CHMP1A: variants seen among roughly 807,000 people sequenced by gnomAD.
The protein encoded by CHMP1A is VPS46 homolog A.
A neutral mutation model predicts 27.0 loss-of-function variants in CHMP1A; 17 were observed. The observed-to-expected ratio is 0.63, with a 90% CI of 0.43 to 0.95. The LOEUF (loss-of-function observed/expected upper bound fraction) is 0.95, where lower values mean the gene tolerates loss of function less well. Among genes scored for constraint, CHMP1A ranks in the 40% least tolerant of loss-of-function variants. The pLI is 0.00. For synonymous variants in CHMP1A, 131 were observed against 107.5 expected (o/e 1.22, Z -1.35); for missense variants, 275 against 264.0 (o/e 1.04, Z -0.29).
Position 89,646,080 on chromosome 16 carries a change from C to T in CHMP1A, c.577G>A (p.Ala193Thr), listed in dbSNP as rs1057108932. 5.2e-6 allele frequency: 8 copies of T among 1,544,604 alleles called. No individual in the cohort carries two copies. Among genetic ancestry groups the T allele is most frequent in the East Asian group, 4.6e-5 (2 of 43,262 alleles). Residue 193 changes from alanine to threonine, a missense_variant, in exon 7 of 7, where the codon GCC (alanine) becomes ACC (threonine). Coordinates refer to ENST00000397901, the MANE Select transcript of CHMP1A (RefSeq NM_002768.5). ...QEDQLSRRLAALRN is the reference protein window; with the variant it reads ...QEDQLSRRLATLRN Reference sequence around the variant, plus strand: ...GCGGGGCACGGCTAGTTCCTCAAGGCGGCCAACCTGGAAACCAACAACAGG... The same window carrying T: ...GCGGGGCACGGCTAGTTCCTCAAGGTGGCCAACCTGGAAACCAACAACAGG...
At chr16:89,651,866 C>G (rs1246121642) in intron 2 of CHMP1A, among the ~76,000 whole-genome samples, 1 of 152,262 alleles carries the variant, frequency 6.6e-6, no homozygotes, top group African/African-American at 2.4e-5. Context: ...AAGCTGCCTG[C>G]TCTGCCTCAG....
In CHMP1A at chr16:89,646,553, G is replaced by A. The variant is rs996529393; in HGVS notation, c.543C>T (p.Arg181=). 5 of 1,590,394 alleles carry A rather than the reference G, an allele frequency of 3.1e-6. No individual in the cohort carries two copies. The highest frequency in any genetic ancestry group is 4.3e-6 in the Non-Finnish European group (5 of 1,169,772). ...GASAVGESSV[R]SQEDQLSRRL... ...TCCGTGACAGCTGGTCCTCCTGGCT[G>A]CGCACAGAGCTCTCGCCCACGGCAG... The change falls in exon 6 of 7, where the codon CGC becomes CGT. Residue 181 remains arginine, a synonymous_variant. Coordinates refer to ENST00000397901, the MANE Select transcript of CHMP1A (RefSeq NM_002768.5).
rs7200944 is a variant in CHMP1A at position 89,652,694 on chromosome 16, C to T, written c.28-1048G>A. ...GTGCAGGACACAAGCAGGCCTCAGC[C>T]GGTCCCCTCTGTGCCCAACAGCAAC... On this transcript the variant is annotated intron_variant, in intron 2 of 6. Coordinates refer to ENST00000397901, the MANE Select transcript of CHMP1A (RefSeq NM_002768.5). Among the ~76,000 whole-genome samples the T allele has an allele frequency of 6.2e-4, 94 of 152,382 alleles. 1 individual carries two copies. Among genetic ancestry groups the T allele is most frequent in the African/African-American group, 2.1e-3 (87 of 41,600 alleles).
At position 89,649,453 on chromosome 16, in the gene CHMP1A, C is replaced by T. The variant is rs747722925; in HGVS notation, c.150G>A (p.Glu50=). The T allele has an allele frequency of 8.1e-6, 13 of 1,613,560 alleles. No individual in the cohort carries two copies. Among genetic ancestry groups the T allele is most frequent in the East Asian group, 4.5e-5 (2 of 44,872 alleles). The part of the protein sequence containing the change: ...KNVECARVYA[E]NAIRKKNEGV... The stretch of plus-strand genomic sequence containing the variant: ...CTTCGTTCTTCTTGCGGATGGCGTT[C>T]TCGGCATACACACGGGCACACTCTA... The change falls in exon 4 of 7, where the codon GAG becomes GAA. Residue 50 remains glutamate (E), a synonymous_variant. Transcript: ENST00000397901.
chr16:89,655,131 A>G (rs1409704192), intron 1 of CHMP1A, among the ~76,000 whole-genome samples: 1 of 152,120 alleles, frequency 6.6e-6, no homozygotes, highest in Non-Finnish European at 1.5e-5. Context: ...CAAGGCTCCA[A>G]GATGAGATCT....
Position 89,657,688 on chromosome 16 carries a change from G to C in CHMP1A, c.-100C>G. ...GATCGAACCGACCAAGCTGCACCCG[G>C]CGGGGACTTCCGGGGTCGCCGCCCC... On this transcript the variant is annotated 5_prime_UTR_variant, in exon 1 of 7. Coordinates refer to ENST00000397901, the MANE Select transcript of CHMP1A (RefSeq NM_002768.5). The C allele has an allele frequency of 1.9e-6, 3 of 1,579,700 alleles. No individual in the cohort carries two copies. Among genetic ancestry groups the C allele is most frequent in the Non-Finnish European group, 2.6e-6 (3 of 1,165,300 alleles).
intron 4 of CHMP1A, 49 bp from the exon 5 acceptor site, chr16:89,647,380 G>C (rs1445132003): frequency 2.6e-6 from 4 of 1,563,226 alleles, no homozygotes; most frequent in Non-Finnish European, 3.5e-6. Context: ...GGCAAGTGGA[G>C]CTCACGCACC....
intron 2 of CHMP1A, among the ~76,000 whole-genome samples, chr16:89,653,036 T>C (rs1256721386): frequency 2.0e-5 from 3 of 147,208 alleles, no homozygotes; most frequent in Non-Finnish European, 4.5e-5. Context: ...TTTTTTTTTT[T>C]TTTGAGACGG....
Position 89,648,806 on chromosome 16 carries a change from G to A in CHMP1A, c.252+545C>T, listed in dbSNP as rs138257725. On this transcript the variant is annotated intron_variant, in intron 4 of 6. Coordinates refer to ENST00000397901, the MANE Select transcript of CHMP1A (RefSeq NM_002768.5). ...CTTGGGAGGCTGAGGCAGGAGGATC[G>A]CTTGAGCCCAGGAGGTTGAGACCAG... 7.3e-3 allele frequency among the ~76,000 whole-genome samples: 734 copies of A among 100,336 alleles called. 2 individuals carry two copies. The highest frequency in any genetic ancestry group is 0.011 in the Non-Finnish European group (528 of 47,604). 65.8% of individuals were successfully genotyped at this position (100,336 alleles called of 152,430 possible).
chr16:89,647,460 C>G (rs987528739), intron 4 of CHMP1A, 129 bp from the exon 5 acceptor site: 8 of 794,582 alleles, frequency 1.0e-5, no homozygotes, highest in Non-Finnish European at 1.4e-5. Flanking sequence ...AACCCCAACT[C>G]TGGGCTGAGC....
chr16:89,653,873 G>C (rs754108627), intron 2 of CHMP1A, 31 bp downstream of exon 2: 19 of 1,610,064 alleles, frequency 1.2e-5, no homozygotes, highest in Non-Finnish European at 1.6e-5. Flanking sequence ...CACCAGAACA[G>C]GGCTGGGGTG....
In CHMP1A at chr16:89,657,597, T is replaced by C. The variant is rs763868566; in HGVS notation, c.-9A>G. The C allele has an allele frequency of 6.2e-6, 10 of 1,611,132 alleles. No homozygotes were observed. Among genetic ancestry groups the C allele is most frequent in the Middle Eastern group, 1.7e-4 (1 of 6,058 alleles). ...GACCTCTTACCGTCCATGGCCACAA[T>C]GACAGGAGCAGCACTCGGAGAGGGA... On this transcript the variant is annotated 5_prime_UTR_variant, in exon 1 of 7. Coordinates refer to ENST00000397901, the MANE Select transcript of CHMP1A (RefSeq NM_002768.5).
chr16:89,650,936 C>A (rs1049557153), intron 3 of CHMP1A, among the ~76,000 whole-genome samples: 2 of 152,210 alleles, frequency 1.3e-5, no homozygotes, highest in African/African-American at 2.4e-5. Context: ...TCTCTGTGCT[C>A]TGGACGCCCT....
Position 89,645,581 on chromosome 16 carries a change from GC to G in CHMP1A, c.*484del. ...AATACCACCAGGACAGCGTTGGGTG[GC>G]ACCTGACATCCCCCAGCACACATAG... is the stretch of plus-strand genomic sequence containing the variant. On this transcript the variant is annotated 3_prime_UTR_variant, in exon 7 of 7. Transcript: ENST00000397901. The G allele has an allele frequency of 4.5e-6, 1 of 220,710 alleles. No homozygotes were observed. Among genetic ancestry groups the G allele is most frequent in the South Asian group, 5.0e-5 (1 of 19,900 alleles). The allele number at this position is 220,710 out of a possible 1,614,324, so 13.7% of individuals were successfully genotyped here.
rs534567325 is a variant in CHMP1A, at chr16:89,657,678, G to C, written c.-90C>G. ...TCCCGGCGGCGATCGAACCGACCAAGCTGCACCCGGCGGGGACTTCCGGGG... is the reference window on the plus strand; with the variant it reads ...TCCCGGCGGCGATCGAACCGACCAACCTGCACCCGGCGGGGACTTCCGGGG... On this transcript the variant is annotated 5_prime_UTR_variant, in exon 1 of 7. Coordinates refer to ENST00000397901, the MANE Select transcript of CHMP1A (RefSeq NM_002768.5). 9 of 1,557,506 alleles carry C rather than the reference G, an allele frequency of 5.8e-6. No homozygotes were observed. The East Asian group carries it at 7.0e-5, about 12-fold the overall frequency.
intron 5 of CHMP1A, 170 bp from the exon 6 acceptor site, chr16:89,646,884 GC>G: frequency 1.4e-6 from 1 of 709,050 alleles, no homozygotes; most frequent in East Asian, 2.8e-5. Flanking sequence ...AGCCTTTCCT[GC>G]CCCCCCACCC....
chr16:89,657,508 G>C, intron 1 of CHMP1A, 74 bp downstream of exon 1: 1 of 1,584,630 alleles, frequency 6.3e-7, no homozygotes, highest in Admixed American at 1.8e-5. Context: ...CCCCAGGTGG[G>C]CGGAGCCCAC....
chr16:89,657,638 C>A lies in CHMP1A; in HGVS notation c.-50G>T. On this transcript the variant is annotated 5_prime_UTR_variant, in exon 1 of 7. Transcript: ENST00000397901. ...CGGAGAGGGAGAAGGGACGCCAACT[C>A]CGGGCGGTGTCAGGTCCCGGCGGCG... 1 of 1,608,140 alleles carries A rather than the reference C, an allele frequency of 6.2e-7. No individual in the cohort carries two copies. The highest frequency in any genetic ancestry group is 8.5e-7 in the Non-Finnish European group (1 of 1,178,116).
At chr16:89,646,406 G>T in intron 6 of CHMP1A, 121 bp downstream of exon 6, 1 of 1,152,032 alleles carries the variant, frequency 8.7e-7, no homozygotes, top group Non-Finnish European at 1.2e-6. Context: ...TCGAGATCAG[G>T]GCTCCCTGGT....
Sources: gnomAD v4.1 joint callset for allele counts (sites outside exome capture counted in the v4.1 genomes callset) on GRCh38, gnomAD v4.1.1 for gene constraint, MANE v1.5 for transcripts, NCBI Gene and HGNC (gene_info 2026-07-23, HGNC 2026-07-21) for gene names.